GRM5: variants seen among roughly 807,000 people sequenced by gnomAD.
GRM5 encodes metabotropic glutamate receptor 5.
GRM5 carries 19 observed loss-of-function variants against 83.1 expected under a neutral mutation model. That is an observed-to-expected ratio of 0.23 (90% CI 0.16 to 0.34). The LOEUF is 0.34. GRM5 is among the 10% of genes least tolerant of loss of function. The pLI is 1.00. For synonymous variants in GRM5, 675 were observed against 633.6 expected, an observed-to-expected ratio of 1.07 and a Z score of -0.98; for missense variants, 1,160 against 1,588.3, an observed-to-expected ratio of 0.73 and a Z score of 4.58.
chr11:88,866,586 A>G (rs1944670003), intron 2 of GRM5, among the ~76,000 whole-genome samples: 1 of 151,970 alleles, frequency 6.6e-6, no homozygotes, highest in African/African-American at 2.4e-5. Context: ...AGCACATAAA[A>G]TGAACAAAGG....
chr11:88,939,526 C>A (rs1211053503), intron 2 of GRM5, among the ~76,000 whole-genome samples: 1 of 151,732 alleles, frequency 6.6e-6, no homozygotes, highest in Non-Finnish European at 1.5e-5. Flanking sequence ...GATCATTTTT[C>A]TTTAGTAATT....
chr11:88,778,402 C>A (rs541388767), intron 3 of GRM5, among the ~76,000 whole-genome samples: 1 of 152,196 alleles, frequency 6.6e-6, no homozygotes, highest in South Asian at 2.1e-4. Context: ...CAACCCCTTG[C>A]GCTTCCCAGG....
chr11:88,630,196 T>A (rs7479660), intron 4 of GRM5, among the ~76,000 whole-genome samples: 1 of 152,280 alleles, frequency 6.6e-6, no homozygotes, highest in South Asian at 2.1e-4. Flanking sequence ...TTTCTTCCAG[T>A]AATTATCACC....
rs559081516 is a variant in GRM5, at chr11:88,818,044, C to G, written c.911+31862G>C. Among the ~76,000 whole-genome samples the G allele has an allele frequency of 1.2e-4, 18 of 152,120 alleles. 1 individual carries two copies. In the South Asian group the frequency reaches 3.5e-3, roughly 30 times the overall value. On this transcript the variant is annotated intron_variant, in intron 3 of 9. Transcript: ENST00000305447. ...ATTGCTAACATTTTCATTACTTAAA[C>G]TAATCTAAACCTCAGTTCCTTTTTG... is the stretch of plus-strand genomic sequence containing the variant.
At chr11:88,798,135 T>C (rs1044701740) in intron 3 of GRM5, among the ~76,000 whole-genome samples, 4 of 152,230 alleles carry the variant, frequency 2.6e-5, no homozygotes, top group Admixed American at 1.3e-4. Flanking sequence ...TATCAATTTC[T>C]AATGGAAATT....
chr11:88,885,764 T>TA (rs1009688614), intron 2 of GRM5, among the ~76,000 whole-genome samples: 1 of 152,150 alleles, frequency 6.6e-6, no homozygotes, highest in African/African-American at 2.4e-5. Flanking sequence ...TCACACTTTT[T>TA]ACCTCATGAA....
intron 2 of GRM5, among the ~76,000 whole-genome samples, chr11:88,956,781 G>A (rs1938630847): frequency 6.6e-6 from 1 of 152,174 alleles, no homozygotes; most frequent in African/African-American, 2.4e-5. Flanking sequence ...AGTCCGGCCT[G>A]GGCGAAAGAA....
At chr11:88,713,678 A>T (rs562294390) in intron 3 of GRM5, among the ~76,000 whole-genome samples, 2 of 152,072 alleles carry the variant, frequency 1.3e-5, no homozygotes, top group African/African-American at 4.8e-5. Context: ...CATAGAAAGA[A>T]AAACAACATT....
At chr11:88,805,290 C>G (rs999981800) in intron 3 of GRM5, among the ~76,000 whole-genome samples, 36 of 152,270 alleles carry the variant, frequency 2.4e-4, no homozygotes, top group South Asian at 6.2e-4. Context: ...CTCCCGGATT[C>G]AAGTGATTCT....
At chr11:89,002,452 T>C (rs1332842836) in intron 2 of GRM5, among the ~76,000 whole-genome samples, 1 of 152,146 alleles carries the variant, frequency 6.6e-6, no homozygotes, top group Non-Finnish European at 1.5e-5. Flanking sequence ...AGCTAATAAC[T>C]AGATTTGTTG....
chr11:88,942,979 T>C (rs1938163765), intron 2 of GRM5, among the ~76,000 whole-genome samples: 1 of 152,162 alleles, frequency 6.6e-6, no homozygotes, highest in East Asian at 1.9e-4. Flanking sequence ...TCCCCCAATA[T>C]GGCACCATTT....
intron 3 of GRM5, among the ~76,000 whole-genome samples, chr11:88,667,809 C>T (rs933096674): frequency 3.3e-5 from 5 of 151,934 alleles, no homozygotes; most frequent in African/African-American, 9.7e-5. Flanking sequence ...AGGAAAATCG[C>T]TTGAACCTGG....
At chr11:88,721,883 G>A (rs34334218) in intron 3 of GRM5, among the ~76,000 whole-genome samples, 117 of 152,206 alleles carry the variant, frequency 7.7e-4, no homozygotes, top group South Asian at 2.9e-3. Flanking sequence ...GGATGCAAAT[G>A]TGAAAGACTG....
chr11:88,697,628 A>G (rs1001978454), intron 3 of GRM5, among the ~76,000 whole-genome samples: 6 of 152,220 alleles, frequency 3.9e-5, no homozygotes, highest in African/African-American at 1.4e-4. Flanking sequence ...TATGAAACTT[A>G]CTTGAATGAA....
intron 2 of GRM5, among the ~76,000 whole-genome samples, chr11:88,992,231 G>A (rs1367789671): frequency 1.3e-5 from 2 of 152,048 alleles, no homozygotes; most frequent in African/African-American, 4.8e-5. Flanking sequence ...CTTCTCAAAA[G>A]AAGACATTTA....
chr11:88,912,687 T>C (rs1945519555), intron 2 of GRM5, among the ~76,000 whole-genome samples: 1 of 152,220 alleles, frequency 6.6e-6, no homozygotes, highest in Non-Finnish European at 1.5e-5. Flanking sequence ...CTTGTTAATG[T>C]TCAATCTTTC....
At chr11:88,801,727 A>C (rs1231541438) in intron 3 of GRM5, among the ~76,000 whole-genome samples, 5 of 152,154 alleles carry the variant, frequency 3.3e-5, no homozygotes, top group African/African-American at 1.2e-4. Context: ...TCTTTCACAG[A>C]GATAGTAAGT....
chr11:88,786,203 G>A (rs1483439824), intron 3 of GRM5, among the ~76,000 whole-genome samples: 3 of 152,102 alleles, frequency 2.0e-5, no homozygotes, highest in African/African-American at 4.8e-5. Flanking sequence ...GTAGCAGCAG[G>A]TGATGGAGGT....
At chr11:89,051,908 T>C (rs1233522006) in intron 1 of GRM5, among the ~76,000 whole-genome samples, 2 of 152,098 alleles carry the variant, frequency 1.3e-5, no homozygotes, top group African/African-American at 4.8e-5. Flanking sequence ...TTGGCGACAG[T>C]AGATATTGAG....
Sources: gnomAD v4.1 joint callset for allele counts (sites outside exome capture counted in the v4.1 genomes callset) on GRCh38, gnomAD v4.1.1 for gene constraint, MANE v1.5 for transcripts, NCBI Gene and HGNC (gene_info 2026-07-23, HGNC 2026-07-21) for gene names.